The following SP110 variants were observed in gnomAD, a reference collection of about 807,000 sequenced individuals.
SP110 encodes the protein SP110 nuclear body protein, also known as interferon-induced protein 41, 30kD.
In SP110, 62 loss-of-function variants were observed where a neutral mutation model predicts 92.7. The observed-to-expected ratio is 0.67, with a 90% CI of 0.55 to 0.83. SP110 has a LOEUF of 0.83. Among genes scored for constraint, SP110 ranks in the 40% least tolerant of loss-of-function variants. The pLI is 0.00. For synonymous variants in SP110, 273 were observed against 305.3 expected (o/e 0.89, Z 1.10); for missense variants, 793 against 863.9 (o/e 0.92, Z 1.03).
chr2:230,185,430 T>C (rs1157496307), intron 11 of SP110, among the ~76,000 whole-genome samples: 1 of 152,182 alleles, frequency 6.6e-6, no homozygotes, highest in Non-Finnish European at 1.5e-5. Context: ...CGGTGGAATA[T>C]CACCCTTCAC....
intron 1 of SP110, chr2:230,225,451 G>A (rs1368865158): frequency 3.1e-6 from 1 of 326,214 alleles, no homozygotes; most frequent in Admixed American, 4.6e-5. Context: ...TGAAATGTCT[G>A]GTCTTCACTT....
rs552961044 is a variant in SP110, at chr2:230,213,144, C to G, written c.317-117G>C. 1.4e-5 allele frequency: 14 copies of G among 995,698 alleles called. No homozygotes were observed. In the African/African-American group the frequency reaches 2.1e-4, roughly 15 times the overall value. 61.7% of individuals were successfully genotyped at this position (995,698 alleles called of 1,614,324 possible). ...GGGGGCATGGAGCTATTCATTGTCC[C>G]CCAGGTGCAGAGAACTGATTCATTG... On this transcript the variant is annotated intron_variant, in intron 3 of 18. Transcript: ENST00000258381.
chr2:230,168,142 G>A lies in SP110; in HGVS notation c.*982C>T, dbSNP rs1265795327. ...AAAAAAAAAAAAAAAAAGAAAAAGT[G>A]GGCAACTCAAGCATCAATAAAGGTA... On this transcript the variant is annotated 3_prime_UTR_variant, in exon 19 of 19. Transcript: ENST00000258381. 1.6e-5 allele frequency: 2 copies of A among 128,732 alleles called. No homozygotes were observed. The highest frequency in any genetic ancestry group is 5.8e-5 in the African/African-American group (2 of 34,488). 8.0% of individuals were successfully genotyped at this position (128,732 alleles called of 1,614,324 possible).
chr2:230,219,809 G>T, intron 1 of SP110, 65 bp downstream of exon 1: 1 of 575,844 alleles, frequency 1.7e-6, no homozygotes, highest in Non-Finnish European at 2.2e-6. Flanking sequence ...CTGCTGCCGC[G>T]AAGTTAACTC....
intron 16 of SP110, 143 bp downstream of exon 16, chr2:230,171,923 A>T: frequency 4.7e-6 from 4 of 844,530 alleles, no homozygotes; most frequent in Non-Finnish European, 8.2e-6. Flanking sequence ...TTTTGTTTAG[A>T]CTCTGAGTTT....
At chr2:230,220,951 G>A (rs966393255), upstream of SP110, among the ~76,000 whole-genome samples, 1 of 152,080 alleles carries the variant, frequency 6.6e-6, no homozygotes, top group African/African-American at 2.4e-5. Flanking sequence ...GTTCAAGGCT[G>A]CGGTGAGCTA....
chr2:230,203,676 A>G (rs1371707678), intron 8 of SP110: 4 of 152,236 alleles, frequency 2.6e-5, no homozygotes, highest in African/African-American at 9.6e-5. Context: ...GAACACTTAC[A>G]GAAAATATGA....
intron 10 of SP110, among the ~76,000 whole-genome samples, chr2:230,187,849 ATGTATCTAC>A (rs2042427165): frequency 6.6e-6 from 1 of 152,132 alleles, no homozygotes; most frequent in African/African-American, 2.4e-5. Flanking sequence ...CCATTGGTCG[ATGTATCTAC>A]TTTTATAACA....
chr2:230,212,872 C>T lies in SP110; in HGVS notation c.472G>A (p.Glu158Lys). 14 of 1,614,058 alleles carry T rather than the reference C, an allele frequency of 8.7e-6. No homozygotes were observed. Among genetic ancestry groups the T allele is most frequent in the Non-Finnish European group, 1.2e-5 (14 of 1,180,010 alleles). The change falls in exon 4 of 19, where the codon GAG (glutamate) becomes AAG (lysine). Residue 158 changes from glutamate (E) to lysine (K), a missense_variant. By Grantham distance (56) the Glu-to-Lys change is moderately conservative. Coordinates refer to ENST00000258381, the MANE Select transcript of SP110 (RefSeq NM_080424.4). The part of the protein sequence containing the change: ...SCSPCAPRVS[E>K]PGTSSQQSDE... Reference sequence around the variant, plus strand: ...CTTTGCTGGGAGGATGTTCCAGGCTCACTGACTCTTGGCGCACAGGGTGAA... The same window carrying T: ...CTTTGCTGGGAGGATGTTCCAGGCTTACTGACTCTTGGCGCACAGGGTGAA...
At chr2:230,185,925 C>A (rs534322969) in intron 11 of SP110, 69 bp downstream of exon 11, 1 of 1,337,666 alleles carries the variant, frequency 7.5e-7, no homozygotes, top group Admixed American at 1.7e-5. Context: ...ATCTATCTGA[C>A]CCTGTACTGC....
At chr2:230,169,614 T>C (rs948402442) in intron 18 of SP110, among the ~76,000 whole-genome samples, 2 of 152,148 alleles carry the variant, frequency 1.3e-5, no homozygotes, top group African/African-American at 4.8e-5. Context: ...TGAGTCACCA[T>C]GCCCAGCCTC....
At chr2:230,179,905 G>A (rs1276866250) in intron 12 of SP110, among the ~76,000 whole-genome samples, 1 of 152,132 alleles carries the variant, frequency 6.6e-6, no homozygotes, top group Non-Finnish European at 1.5e-5. Context: ...ATCAAGTGAG[G>A]TGGGGCCTTT....
At chr2:230,177,786 T>C in intron 13 of SP110, 106 bp from the exon 14 acceptor site, 1 of 1,286,658 alleles carries the variant, frequency 7.8e-7, no homozygotes, top group Non-Finnish European at 1.1e-6. Flanking sequence ...CAAGAGAGAC[T>C]TCCTCTGTGA....
intron 17 of SP110, chr2:230,171,486 C>T (rs1310471091): frequency 1.3e-5 from 8 of 601,434 alleles, no homozygotes; most frequent in Admixed American, 2.8e-5. Context: ...TGCCCGGTAT[C>T]CCAGAGCCCG....
intron 3 of SP110, chr2:230,214,299 C>T (rs991047809): frequency 6.6e-6 from 1 of 152,610 alleles, no homozygotes; most frequent in Admixed American, 6.5e-5. Context: ...TTCTCTGTAG[C>T]TACCTTTTTT....
At position 230,170,637 on chromosome 2, in the gene SP110, T is replaced by C. The variant is rs758822350; in HGVS notation, c.2012A>G (p.His671Arg). ...VRDMRLMFRN[H>R]KTFYKASDFG... Reference sequence around the variant, plus strand: ...GCTCTTTACCTTGTAAAATGTTTTATGGTTGCGAAACATCAGGCGCATGTC... The same window carrying C: ...GCTCTTTACCTTGTAAAATGTTTTACGGTTGCGAAACATCAGGCGCATGTC... Residue 671 changes from histidine to arginine, a missense_variant, in exon 18 of 19, where the codon CAT (histidine) becomes CGT (arginine). His to Arg is a conservative substitution (Grantham distance 29). Coordinates refer to ENST00000258381, the MANE Select transcript of SP110 (RefSeq NM_080424.4). 18 of 1,614,084 alleles carry C rather than the reference T, an allele frequency of 1.1e-5. No homozygotes were observed. The highest frequency in any genetic ancestry group is 1.5e-5 in the Non-Finnish European group (18 of 1,180,040).
At chr2:230,170,240 A>G (rs1161616508) in intron 18 of SP110, among the ~76,000 whole-genome samples, 1 of 128,932 alleles carries the variant, frequency 7.8e-6, no homozygotes, top group Non-Finnish European at 1.7e-5. Context: ...AGTTTAATTG[A>G]TTTTATGTTG....
intron 1 of SP110, among the ~76,000 whole-genome samples, chr2:230,225,116 TCTC>T (rs2046169040): frequency 6.6e-6 from 1 of 152,192 alleles, no homozygotes; most frequent in Non-Finnish European, 1.5e-5. Context: ...AGGCTGTCAC[TCTC>T]CTCAAGATTT....
At chr2:230,198,412 C>T (rs746350786) in intron 10 of SP110, among the ~76,000 whole-genome samples, 1 of 152,128 alleles carries the variant, frequency 6.6e-6, no homozygotes, top group African/African-American at 2.4e-5. Flanking sequence ...AGTCATAATG[C>T]CCACCATAAA....
Sources: allele counts gnomAD v4.1 joint callset (sites outside exome capture counted in the v4.1 genomes callset), GRCh38; gene constraint gnomAD v4.1.1; transcripts MANE v1.5; gene names NCBI Gene and HGNC (gene_info 2026-07-23, HGNC 2026-07-21).